Variants in CAMKK2 observed in about 807,000 individuals in gnomAD.
CAMKK2 encodes calcium/calmodulin-dependent protein kinase kinase 2.
CAMKK2 carries 30 observed loss-of-function variants against 67.2 expected under a neutral mutation model. The observed-to-expected ratio is 0.45, with a 90% CI of 0.33 to 0.61. CAMKK2 has a LOEUF of 0.61. CAMKK2 is among the 20% of genes least tolerant of loss of function. CAMKK2 has a pLI of 0.02. For synonymous variants in CAMKK2, 322 were observed against 326.2 expected, an observed-to-expected ratio of 0.99 and a Z score of 0.14; for missense variants, 643 against 802.0, an observed-to-expected ratio of 0.80 and a Z score of 2.39.
intron 4 of CAMKK2, among the ~76,000 whole-genome samples, chr12:121,269,235 T>C (rs1895244436): frequency 6.6e-6 from 1 of 152,214 alleles, no homozygotes; most frequent in South Asian, 2.1e-4. Context: ...CACAGACACC[T>C]GTCTCACTGC....
At chr12:121,263,977 G>T in intron 5 of CAMKK2, 38 bp from the exon 6 acceptor site, 1 of 1,527,246 alleles carries the variant, frequency 6.5e-7, no homozygotes. Context: ...TCAGGGCAAA[G>T]AGACTTTCCT....
chr12:121,282,841 G>T (rs1178182285), intron 1 of CAMKK2, among the ~76,000 whole-genome samples: 1 of 151,902 alleles, frequency 6.6e-6, no homozygotes, highest in Non-Finnish European at 1.5e-5. Flanking sequence ...TGCAACCTCC[G>T]CCTCCCAAGT....
intron 1 of CAMKK2, among the ~76,000 whole-genome samples, chr12:121,294,770 G>A (rs1231885352): frequency 2.0e-5 from 3 of 152,190 alleles, no homozygotes; most frequent in African/African-American, 7.2e-5. Context: ...AATTCCCTAC[G>A]TTGTAGGATT....
Position 121,252,733 on chromosome 12 carries a change from A to G in CAMKK2, c.1108-19T>C, listed in dbSNP as rs1459225553. On this transcript the variant is annotated intron_variant, in intron 10 of 16. Coordinates refer to ENST00000404169, the MANE Select transcript of CAMKK2 (RefSeq NM_001270485.2). ...CCAAGGCCTGCAAGAAAAAGAGCTT[A>G]GTGTGAGGGCATAAGGGGTGGTCCA... is the stretch of plus-strand genomic sequence containing the variant. 9.3e-6 allele frequency: 15 copies of G among 1,613,900 alleles called. No homozygotes were observed. Among genetic ancestry groups the G allele is most frequent in the Non-Finnish European group, 1.3e-5 (15 of 1,179,780 alleles).
chr12:121,271,510 G>C (rs1246039674), intron 2 of CAMKK2, among the ~76,000 whole-genome samples: 1 of 151,970 alleles, frequency 6.6e-6, no homozygotes, highest in Non-Finnish European at 1.5e-5. Flanking sequence ...TTTTAAAGAA[G>C]GTTGTTCCTA....
At chr12:121,260,467 G>A (rs931767429) in intron 6 of CAMKK2, 112 bp from the exon 7 acceptor site, 8 of 920,558 alleles carry the variant, frequency 8.7e-6, no homozygotes, top group Admixed American at 2.1e-5. Flanking sequence ...GCCAACAGGA[G>A]GGCTGCATTT....
chr12:121,296,204 G>A lies in CAMKK2; in HGVS notation c.-60+434C>T, dbSNP rs1179179721. On this transcript the variant is annotated intron_variant, in intron 1 of 16. Transcript: ENST00000404169. The surrounding 1 kb of genome is among the most constrained non-coding windows in gnomAD (Gnocchi z 7.1). ...GTTTGCCCCGAGACAGGCAGGCTGC[G>A]GGGTGGGGGTGCTCCAAGTCCGCTG... 2.0e-5 allele frequency among the ~76,000 whole-genome samples: 3 copies of A among 152,222 alleles called. No individual in the cohort carries two copies. Among genetic ancestry groups the A allele is most frequent in the Admixed American group, 2.0e-4 (3 of 15,292 alleles).
At chr12:121,291,200 T>C (rs1899944303) in intron 1 of CAMKK2, among the ~76,000 whole-genome samples, 1 of 152,146 alleles carries the variant, frequency 6.6e-6, no homozygotes, top group Admixed American at 6.5e-5. Context: ...AAACCTTGGG[T>C]TGGGAAACTG....
intron 15 of CAMKK2, among the ~76,000 whole-genome samples, chr12:121,244,935 C>T (rs927601882): frequency 1.3e-5 from 2 of 152,244 alleles, no homozygotes; most frequent in African/African-American, 2.4e-5. Flanking sequence ...AGGTAAACTT[C>T]AGGTGGATTA....
intron 9 of CAMKK2, among the ~76,000 whole-genome samples, chr12:121,254,023 G>A (rs1177426606): frequency 6.6e-6 from 1 of 152,162 alleles, no homozygotes; most frequent in Non-Finnish European, 1.5e-5. Flanking sequence ...CCATTTCTGG[G>A]GTGATGATGA....
In CAMKK2 at chr12:121,245,237, G is replaced by A; in HGVS notation, c.1456C>T (p.Leu486=). The A allele has an allele frequency of 6.3e-7, 1 of 1,596,390 alleles. No homozygotes were observed. Residue 486 remains leucine (L), a synonymous_variant, in exon 15 of 17, where the codon CTG becomes TTG. Coordinates refer to ENST00000404169, the MANE Select transcript of CAMKK2 (RefSeq NM_001270485.2). The surrounding 1 kb of genome is among the most constrained non-coding windows in gnomAD (Gnocchi z 5.8). ...CGTTTACGTATCATGGTCTTCACCA[G>A]GATCTGAAGAGGGAGAAAAGAGGAG... The part of the protein sequence containing the change: ...KHIPSLATVI[L]VKTMIRKRSF...
chr12:121,261,898 G>A (rs1461735077), intron 6 of CAMKK2, among the ~76,000 whole-genome samples: 1 of 152,204 alleles, frequency 6.6e-6, no homozygotes, highest in African/African-American at 2.4e-5. Context: ...TGAACATCCA[G>A]CACGGTGACA....
At chr12:121,262,017 G>A (rs1008748211) in intron 6 of CAMKK2, among the ~76,000 whole-genome samples, 15 of 152,316 alleles carry the variant, frequency 9.8e-5, no homozygotes, top group African/African-American at 1.9e-4. Flanking sequence ...ACTTTAAAAC[G>A]AAGACAGTAT....
At chr12:121,297,605 G>A (rs1262376304), upstream of CAMKK2, 1 of 516,802 alleles carries the variant, frequency 1.9e-6, no homozygotes, top group Admixed American at 2.0e-5. Context: ...GGGAAGAGGA[G>A]AAACGAAGAC....
At chr12:121,272,319 T>A (rs1387125322) in intron 2 of CAMKK2, among the ~76,000 whole-genome samples, 1 of 152,116 alleles carries the variant, frequency 6.6e-6, no homozygotes, top group Admixed American at 6.5e-5. Context: ...CTGTGGTACG[T>A]CCATACAATT....
rs1898461014 is a variant in CAMKK2, at chr12:121,285,016, A to G, written c.-59-10431T>C. Among the ~76,000 whole-genome samples, 3 of 152,212 alleles carry G rather than the reference A, an allele frequency of 2.0e-5. No homozygotes were observed. In the South Asian group the frequency reaches 6.2e-4, roughly 31 times the overall value. ...TCCCAAGGCCACTCAGAAGGTCAGA[A>G]GCTTTCTTTAGCTGGCCTAGAGTTG... On this transcript the variant is annotated intron_variant, in intron 1 of 16. Coordinates refer to ENST00000404169, the MANE Select transcript of CAMKK2 (RefSeq NM_001270485.2). This position sits in a 1 kb window ranked among gnomAD's most constrained non-coding sequence, Gnocchi z 4.1.
At chr12:121,291,323 G>A (rs554086351) in intron 1 of CAMKK2, among the ~76,000 whole-genome samples, 5 of 152,280 alleles carry the variant, frequency 3.3e-5, no homozygotes, top group Admixed American at 6.5e-5. Context: ...ACAGAGACAC[G>A]GGAATGGACA....
At chr12:121,265,719 G>A (rs1378395631) in intron 5 of CAMKK2, among the ~76,000 whole-genome samples, 1 of 152,038 alleles carries the variant, frequency 6.6e-6, no homozygotes, top group African/African-American at 2.4e-5. Context: ...TTAGCCAGGT[G>A]TGGTGGTGCA....
chr12:121,260,214 G>GTCT, intron 7 of CAMKK2, 105 bp downstream of exon 7: 1 of 949,642 alleles, frequency 1.1e-6, no homozygotes, highest in East Asian at 2.8e-5. Context: ...AGGGAAAGCT[G>GTCT]TCTTTGGTGG....
Sources: gnomAD v4.1 joint callset for allele counts (sites outside exome capture counted in the v4.1 genomes callset) on GRCh38, gnomAD v4.1.1 for gene constraint, Gnocchi (gnomAD v3.1) non-coding constraint, MANE v1.5 for transcripts, NCBI Gene and HGNC (gene_info 2026-07-23, HGNC 2026-07-21) for gene names.